The following LRTM3 variants were observed in gnomAD, a reference collection of about 807,000 sequenced individuals.
The protein encoded by LRTM3 is leucine-rich repeat transmembrane protein 3.
the LRTM3 span, chr13:102,735,073 G>A: frequency 6.4e-7 from 1 of 1,551,018 alleles, no homozygotes; most frequent in Admixed American, 2.0e-5. Flanking sequence ...GAAGTGGGGA[G>A]GATCTAGAAG....
chr13:102,733,673 G>A, the LRTM3 span: 89 of 1,551,068 alleles, frequency 5.7e-5, no homozygotes, highest in Admixed American at 7.9e-5. Flanking sequence ...GAGCCATTCC[G>A]GCCTTTTCCC....
the LRTM3 span, chr13:102,729,397 A>C: frequency 7.6e-7 from 1 of 1,317,276 alleles, no homozygotes; most frequent in Non-Finnish European, 9.9e-7. Context: ...TTTTTCACAG[A>C]ATATCACAAT....
the LRTM3 span, chr13:102,748,858 G>T: frequency 6.5e-7 from 1 of 1,550,196 alleles, no homozygotes; most frequent in Non-Finnish European, 8.7e-7. Context: ...TTAGTCTTTT[G>T]TTTTCTTTGT....
At chr13:102,747,756 GA>G in the LRTM3 span, 1 of 1,551,098 alleles carries the variant, frequency 6.4e-7, no homozygotes, top group Non-Finnish European at 8.7e-7. Flanking sequence ...TTCTCAACTT[GA>G]AATGGATCCA....
the LRTM3 span, chr13:102,746,408 G>A: frequency 1.7e-4 from 263 of 1,550,948 alleles, no homozygotes; most frequent in Non-Finnish European, 2.2e-4. Context: ...TAATTGAGAC[G>A]CAGGGAGACA....
chr13:102,753,082 C>CA, the LRTM3 span, among the ~76,000 whole-genome samples: 1 of 152,066 alleles, frequency 6.6e-6, no homozygotes, highest in Non-Finnish European at 1.5e-5. Flanking sequence ...AAACGCCCAT[C>CA]AATGATAGAC....
the LRTM3 span, chr13:102,734,817 A>G: frequency 6.4e-7 from 1 of 1,551,120 alleles, no homozygotes; most frequent in Non-Finnish European, 8.7e-7. Flanking sequence ...TCACCTTCAC[A>G]TTCCTGCACC....
chr13:102,730,975 T>G, the LRTM3 span: 1 of 1,551,476 alleles, frequency 6.4e-7, no homozygotes, highest in South Asian at 1.2e-5. Context: ...CACTGGTCAT[T>G]GCATAAGATT....
At chr13:102,742,779 A>G in the LRTM3 span, 3 of 1,550,566 alleles carry the variant, frequency 1.9e-6, no homozygotes, top group Non-Finnish European at 8.7e-7. Flanking sequence ...GAAGCAGGTG[A>G]ATGCCTGCCA....
At chr13:102,734,500 T>C in the LRTM3 span, 2 of 1,551,390 alleles carry the variant, frequency 1.3e-6, no homozygotes, top group East Asian at 4.9e-5. Flanking sequence ...CATGCAGTTC[T>C]GTTCTGTGGA....
At chr13:102,731,962 C>A in the LRTM3 span, 1 of 1,551,164 alleles carries the variant, frequency 6.4e-7, no homozygotes. Flanking sequence ...CTGGAACAAT[C>A]CGTTCTTTTG....
chr13:102,738,638 C>T, the LRTM3 span: 13 of 1,550,312 alleles, frequency 8.4e-6, no homozygotes, highest in African/African-American at 1.4e-5. Flanking sequence ...ATCAGAAATA[C>T]ACTTTTCATA....
the LRTM3 span, chr13:102,741,187 C>T: frequency 4.3e-5 from 67 of 1,548,772 alleles, no homozygotes; most frequent in Non-Finnish European, 5.8e-5. Context: ...TTGAAAAGTC[C>T]ATTTTCTGTC....
chr13:102,734,533 C>T, the LRTM3 span: 1 of 1,551,282 alleles, frequency 6.4e-7, no homozygotes, highest in African/African-American at 1.4e-5. Context: ...GAGGTGACTT[C>T]TTTGACTTCA....
chr13:102,739,504 T>C, the LRTM3 span: 1 of 1,550,560 alleles, frequency 6.4e-7, no homozygotes. Context: ...TACTATGTGA[T>C]AGAGATGGTA....
At chr13:102,746,918 G>A in the LRTM3 span, 4 of 1,551,128 alleles carry the variant, frequency 2.6e-6, no homozygotes, top group Non-Finnish European at 2.6e-6. Flanking sequence ...CACATTCTCA[G>A]CATGAGATAG....
At chr13:102,734,114 A>G in the LRTM3 span, 1 of 1,551,484 alleles carries the variant, frequency 6.4e-7, no homozygotes, top group Non-Finnish European at 8.7e-7. Context: ...AATATTCAAC[A>G]CTAATTCCTT....
At chr13:102,737,058 G>C in the LRTM3 span, 3 of 1,551,050 alleles carry the variant, frequency 1.9e-6, no homozygotes, top group South Asian at 2.4e-5. Flanking sequence ...ATGTTTGTTA[G>C]TACTTCTCTA....
At chr13:102,740,593 T>C in the LRTM3 span, 1 of 1,549,064 alleles carries the variant, frequency 6.5e-7, no homozygotes, top group Non-Finnish European at 8.7e-7. Flanking sequence ...TGACATCCAT[T>C]TGTTTCACTG....
Sources: gnomAD v4.1 joint callset for allele counts (sites outside exome capture counted in the v4.1 genomes callset) on GRCh38, gnomAD v4.1.1 for gene constraint, MANE v1.5 for transcripts, NCBI Gene and HGNC (gene_info 2026-07-23, HGNC 2026-07-21) for gene names.